Variants in FHIT observed in about 807,000 individuals in gnomAD.
The protein encoded by FHIT is bis(5'-adenosyl)-triphosphatase.
A neutral mutation model predicts 17.9 loss-of-function variants in FHIT; 19 were observed. The ratio of observed to expected loss-of-function variants is 1.06; its 90% confidence interval spans 0.74 to 1.56. The LOEUF (loss-of-function observed/expected upper bound fraction) is 1.56, where lower values mean the gene tolerates loss of function less well. Ranked by LOEUF, FHIT falls within the 40% of genes most tolerant of loss-of-function variation. The pLI is 0.00. For missense variants in FHIT, 248 were observed against 189.2 expected (o/e 1.31, Z -1.82); for synonymous variants, 81 against 69.7 (o/e 1.16, Z -0.81).
At chr3:60,315,722 T>C (rs774943801) in intron 5 of FHIT, among the ~76,000 whole-genome samples, 1 of 152,192 alleles carries the variant, frequency 6.6e-6, no homozygotes. Context: ...TTGCTTCCAG[T>C]TTGGGGCTTT....
chr3:59,950,321 T>A (rs1013890093), intron 7 of FHIT, among the ~76,000 whole-genome samples: 10 of 152,132 alleles, frequency 6.6e-5, no homozygotes, highest in African/African-American at 2.4e-4. Context: ...TGTCCCCATC[T>A]CTTCCCTGCC....
At chr3:60,016,105 T>C (rs1700335062) in intron 5 of FHIT, among the ~76,000 whole-genome samples, 1 of 152,204 alleles carries the variant, frequency 6.6e-6, no homozygotes, top group African/African-American at 2.4e-5. Flanking sequence ...CACATTTACT[T>C]CTGGATCCTG....
At chr3:60,280,421 G>C (rs1707375203) in intron 5 of FHIT, among the ~76,000 whole-genome samples, 1 of 152,106 alleles carries the variant, frequency 6.6e-6, no homozygotes, top group African/African-American at 2.4e-5. Context: ...ACTAAATTAA[G>C]AATTTTAAGG....
intron 5 of FHIT, among the ~76,000 whole-genome samples, chr3:60,127,802 G>C (rs1376257875): frequency 6.6e-6 from 1 of 152,006 alleles, no homozygotes; most frequent in African/African-American, 2.4e-5. Flanking sequence ...CAGCCAATAT[G>C]TATACATTTG....
chr3:60,782,772 G>A (rs920677470), intron 4 of FHIT, among the ~76,000 whole-genome samples: 1 of 152,152 alleles, frequency 6.6e-6, no homozygotes, highest in South Asian at 2.1e-4. Context: ...AGTAGATTAA[G>A]TGTCTGGTGA....
intron 3 of FHIT, among the ~76,000 whole-genome samples, chr3:60,928,023 C>T (rs879995953): frequency 6.6e-6 from 1 of 152,188 alleles, no homozygotes; most frequent in Admixed American, 6.5e-5. Context: ...ACCCAGTGCT[C>T]TCTGAAACAT....
At chr3:60,896,810 T>A (rs1017130123) in intron 3 of FHIT, among the ~76,000 whole-genome samples, 1 of 152,202 alleles carries the variant, frequency 6.6e-6, no homozygotes. Context: ...TTATTTAATG[T>A]TATTTCGGAA....
intron 3 of FHIT, among the ~76,000 whole-genome samples, chr3:61,024,114 A>C (rs1349487601): frequency 6.6e-6 from 1 of 152,132 alleles, no homozygotes; most frequent in Non-Finnish European, 1.5e-5. Context: ...ATGCAAGCAG[A>C]AGAGCTTCTG....
chr3:60,411,545 C>A (rs1224685278), intron 5 of FHIT, among the ~76,000 whole-genome samples: 1 of 152,144 alleles, frequency 6.6e-6, no homozygotes, highest in South Asian at 2.1e-4. Flanking sequence ...TCTGGACCTA[C>A]TGGCAATATA....
At chr3:60,434,874 C>T (rs2030068666) in intron 5 of FHIT, among the ~76,000 whole-genome samples, 1 of 152,092 alleles carries the variant, frequency 6.6e-6, no homozygotes, top group Admixed American at 6.6e-5. Flanking sequence ...TTTGGGTTGT[C>T]ATTTTGGAAA....
chr3:60,339,993 G>T (rs1398923444), intron 5 of FHIT, among the ~76,000 whole-genome samples: 1 of 152,028 alleles, frequency 6.6e-6, no homozygotes, highest in Non-Finnish European at 1.5e-5. Context: ...TGACACCTCT[G>T]GTTTGATTTT....
At chr3:60,816,471 G>T (rs868931494) in intron 4 of FHIT, among the ~76,000 whole-genome samples, 2 of 152,016 alleles carry the variant, frequency 1.3e-5, no homozygotes, top group South Asian at 4.1e-4. Context: ...TATAGCAAAA[G>T]CTTTTTCTAC....
chr3:60,130,791 A>ATACACATATATATGTGTGTGTGTGTG (rs1559660707), intron 5 of FHIT, among the ~76,000 whole-genome samples: 18 of 101,556 alleles, frequency 1.8e-4, no homozygotes, highest in Non-Finnish European at 3.9e-4. Context: ...TGTGGTGTGT[A>ATACACATATATATGTGTGTGTGTGTG]TATACACACA....
At chr3:60,718,857 T>G (rs2041745794) in intron 4 of FHIT, among the ~76,000 whole-genome samples, 1 of 152,172 alleles carries the variant, frequency 6.6e-6, no homozygotes, top group Non-Finnish European at 1.5e-5. Flanking sequence ...GCATTACACC[T>G]CTCCAAGAAG....
intron 5 of FHIT, among the ~76,000 whole-genome samples, chr3:60,046,304 T>C (rs1321461774): frequency 3.3e-5 from 5 of 152,202 alleles, no homozygotes; most frequent in South Asian, 4.1e-4. Context: ...GGGTGTTCAA[T>C]AAACAGGTGG....
chr3:60,819,877 A>G (rs1166898416), intron 4 of FHIT, among the ~76,000 whole-genome samples: 5 of 152,230 alleles, frequency 3.3e-5, no homozygotes, highest in Admixed American at 3.3e-4. Context: ...TTAGGAGAGA[A>G]AATAGAAGTC....
At chr3:60,999,945 A>T (rs2030951615) in intron 3 of FHIT, among the ~76,000 whole-genome samples, 1 of 152,074 alleles carries the variant, frequency 6.6e-6, no homozygotes, top group Non-Finnish European at 1.5e-5. Context: ...CAGTGGAGGG[A>T]CTAGCAAGCT....
At chr3:59,830,266 C>T (rs771438990) in intron 8 of FHIT, among the ~76,000 whole-genome samples, 2 of 151,988 alleles carry the variant, frequency 1.3e-5, no homozygotes, top group Admixed American at 6.6e-5. Context: ...ATTTTTGTAC[C>T]TCCTCTATTG....
intron 8 of FHIT, among the ~76,000 whole-genome samples, chr3:59,830,249 A>T (rs1701120546): frequency 6.6e-6 from 1 of 152,240 alleles, no homozygotes; most frequent in African/African-American, 2.4e-5. Context: ...GCTGAGTACA[A>T]ATATTTATTT....
Sources: gnomAD v4.1 joint callset for allele counts (sites outside exome capture counted in the v4.1 genomes callset) on GRCh38, gnomAD v4.1.1 for gene constraint, MANE v1.5 for transcripts, NCBI Gene and HGNC (gene_info 2026-07-23, HGNC 2026-07-21) for gene names.